SLC45A4: variants seen among roughly 807,000 people sequenced by gnomAD.
SLC45A4 encodes the protein solute carrier family 45 member 4, also known as polyamine-transporter SLC45A4.
SLC45A4 carries 32 observed loss-of-function variants against 63.7 expected under a neutral mutation model. The observed-to-expected ratio is 0.50, with a 90% CI of 0.38 to 0.67. The LOEUF (loss-of-function observed/expected upper bound fraction) is 0.67. Among genes scored for constraint, SLC45A4 ranks in the 30% least tolerant of loss-of-function variants. The pLI is 0.00. For synonymous variants in SLC45A4, 535 were observed against 510.0 expected (o/e 1.05, Z -0.66); for missense variants, 1,027 against 1,157.7 (o/e 0.89, Z 1.64).
chr8:141,234,341 G>A (rs1827512062), intron 2 of SLC45A4, among the ~76,000 whole-genome samples: 1 of 152,214 alleles, frequency 6.6e-6, no homozygotes, highest in Admixed American at 6.5e-5. Context: ...CCACCTCCTC[G>A]TGGGCCTAGC....
At chr8:141,262,451 T>A (rs1333071240) in intron 1 of SLC45A4, among the ~76,000 whole-genome samples, 1 of 149,246 alleles carries the variant, frequency 6.7e-6, no homozygotes, top group African/African-American at 2.5e-5. Flanking sequence ...TGGGAGAAAA[T>A]TTTCACAACC....
chr8:141,215,216 C>CTGTGA lies in SLC45A4; in HGVS notation c.1941+538_1941+542dup, dbSNP rs1461589444. On this transcript the variant is annotated intron_variant, in intron 7 of 8. Transcript: ENST00000517878. This position sits in a 1 kb window ranked among gnomAD's most constrained non-coding sequence, Gnocchi z 4.3. The stretch of plus-strand genomic sequence containing the variant: ...TAAAGCTCGTCTCATGTGTGATGTG[C>CTGTGA]TGTGATGTAACATACACACAATTTC... Among the ~76,000 whole-genome samples the CTGTGA allele has an allele frequency of 9.2e-5, 14 of 152,230 alleles. No homozygotes were observed. Among genetic ancestry groups the CTGTGA allele is most frequent in the Admixed American group, 9.2e-4 (14 of 15,274 alleles).
At chr8:141,280,663 G>A (rs1288363685) in intron 1 of SLC45A4, among the ~76,000 whole-genome samples, 1 of 152,176 alleles carries the variant, frequency 6.6e-6, no homozygotes, top group Non-Finnish European at 1.5e-5. Context: ...CCTCTGCAGG[G>A]TGTGTTTTTG....
chr8:141,221,875 G>A (rs768526030), intron 2 of SLC45A4, 110 bp from the exon 3 acceptor site: 105 of 1,125,986 alleles, frequency 9.3e-5, no homozygotes, highest in Non-Finnish European at 1.1e-4. Context: ...GCACGCATGC[G>A]CACATCCCCT....
At position 141,207,739 on chromosome 8, in the gene SLC45A4, A is replaced by C. The variant is rs564463636; in HGVS notation, c.*3833T>G. ...AGGGATGCCGCTAGGAGGGGTGCTCAGTCCTCCTGGAGGACCCAAGGAGGG... is the reference window on the plus strand; with the variant it reads ...AGGGATGCCGCTAGGAGGGGTGCTCCGTCCTCCTGGAGGACCCAAGGAGGG... On this transcript the variant is annotated 3_prime_UTR_variant, in exon 9 of 9. Coordinates refer to ENST00000517878, the MANE Select transcript of SLC45A4 (RefSeq NM_001286646.2). 16 of 152,398 alleles carry C rather than the reference A, an allele frequency of 1.0e-4. 1 individual carries two copies. The East Asian group carries it at 3.1e-3, about 29-fold the overall frequency. 9.4% of individuals were successfully genotyped at this position (152,398 alleles called of 1,614,324 possible). A position where few individuals can be genotyped will look rare whatever the true frequency, so the allele number is the denominator to read the frequency against.
intron 5 of SLC45A4, 146 bp downstream of exon 5, chr8:141,217,865 G>T: frequency 9.8e-7 from 1 of 1,020,950 alleles, no homozygotes; most frequent in Non-Finnish European, 1.4e-6. Context: ...GCCTGCCGCG[G>T]GTCCCTCACC....
At chr8:141,275,885 G>A (rs2154614994) in intron 1 of SLC45A4, among the ~76,000 whole-genome samples, 1 of 151,694 alleles carries the variant, frequency 6.6e-6, no homozygotes, top group Non-Finnish European at 1.5e-5. Context: ...GTTTCATAGA[G>A]TCTTTCTGCT....
In SLC45A4 at chr8:141,216,836, C is replaced by T. The variant is rs1305166821; in HGVS notation, c.1729+254G>A. Among the ~76,000 whole-genome samples, 11 of 152,324 alleles carry T rather than the reference C, an allele frequency of 7.2e-5. No individual in the cohort carries two copies. In the East Asian group the frequency reaches 7.7e-4, roughly 11 times the overall value. ...TTGACGTGGGACAGCATCATGGGACCGCACAGGCAGGACAGGCCCCAAAAG... is the reference window on the plus strand; with the variant it reads ...TTGACGTGGGACAGCATCATGGGACTGCACAGGCAGGACAGGCCCCAAAAG... On this transcript the variant is annotated intron_variant, in intron 6 of 8. Coordinates refer to ENST00000517878, the MANE Select transcript of SLC45A4 (RefSeq NM_001286646.2).
intron 1 of SLC45A4, among the ~76,000 whole-genome samples, chr8:141,259,634 C>T (rs181154668): frequency 7.8e-4 from 118 of 152,246 alleles, no homozygotes; most frequent in South Asian, 2.1e-3. Flanking sequence ...CCCTTTAGAA[C>T]GGGTGATCCC....
intron 2 of SLC45A4, among the ~76,000 whole-genome samples, chr8:141,235,240 C>A (rs1009053998): frequency 2.0e-5 from 3 of 152,218 alleles, no homozygotes; most frequent in African/African-American, 7.2e-5. Context: ...TCAAATGCCA[C>A]CCCCCTTCTT....
chr8:141,247,353 G>C (rs1828264153), intron 2 of SLC45A4, among the ~76,000 whole-genome samples: 1 of 125,754 alleles, frequency 8.0e-6, no homozygotes. Flanking sequence ...TTAAGTATGT[G>C]ACGGACCTAC....
rs1589819065 is a variant in SLC45A4 at position 141,254,692 on chromosome 8, A to G, written c.-400-63T>C. Reference sequence around the variant, plus strand: ...GGACGGCCACCAGATGGCCCTGTGGACCGCCGCCCGACCCCCGAGCAAGCC... The same window carrying G: ...GGACGGCCACCAGATGGCCCTGTGGGCCGCCGCCCGACCCCCGAGCAAGCC... On this transcript the variant is annotated intron_variant, in intron 1 of 8. Transcript: ENST00000517878. The surrounding 1 kb of genome is among the most constrained non-coding windows in gnomAD (Gnocchi z 4.5). 1.4e-6 allele frequency: 1 copy of G among 694,198 alleles called. No individual in the cohort carries two copies. The highest frequency in any genetic ancestry group is 2.6e-6 in the Non-Finnish European group (1 of 380,140). 43.0% of individuals were successfully genotyped at this position (694,198 alleles called of 1,614,324 possible).
At chr8:141,291,616 T>A (rs867205655) in intron 1 of SLC45A4, among the ~76,000 whole-genome samples, 1 of 152,296 alleles carries the variant, frequency 6.6e-6, no homozygotes, top group South Asian at 2.1e-4. Flanking sequence ...TCAAACCACA[T>A]TTTCTAGAAC....
In SLC45A4 at chr8:141,289,101, T is replaced by C. The variant is rs558890567; in HGVS notation, c.-401+18995A>G. Among the ~76,000 whole-genome samples the C allele has an allele frequency of 2.1e-4, 32 of 152,190 alleles. No individual in the cohort carries two copies. The South Asian group carries it at 6.6e-3, about 32-fold the overall frequency. ...GCCATGAAACCAGCCAGGTGCGCGA[T>C]GGAGTCAGGGCCTGGGGAAGAGGAT... is the stretch of plus-strand genomic sequence containing the variant. On this transcript the variant is annotated intron_variant, in intron 1 of 8. Transcript: ENST00000517878.
At chr8:141,220,669 T>C (rs1410739047) in intron 3 of SLC45A4, among the ~76,000 whole-genome samples, 2 of 152,200 alleles carry the variant, frequency 1.3e-5, no homozygotes, top group Admixed American at 6.5e-5. Flanking sequence ...GGAGAAGGGC[T>C]TTCTGCCCAG....
At position 141,218,656 on chromosome 8, in the gene SLC45A4, G is replaced by GTGCAGGAACAGCAGCTCGGGC. The variant is rs756538613; in HGVS notation, c.963_983dup (p.Leu327_His328insGlnProGluLeuLeuPheLeu). 1.4e-5 allele frequency: 23 copies of GTGCAGGAACAGCAGCTCGGGC among 1,613,366 alleles called. No individual in the cohort carries two copies. In the South Asian group the frequency reaches 2.2e-4, roughly 15 times the overall value. On this transcript the variant is annotated inframe_insertion, in exon 5 of 9. Transcript: ENST00000517878. ...CGTGGAAGATGGAGGGCTCGATGTC[G>GTGCAGGAACAGCAGCTCGGGC]TGCAGGAACAGCAGCTCGGGCTCCA...
intron 1 of SLC45A4, among the ~76,000 whole-genome samples, chr8:141,276,604 A>G (rs1393810390): frequency 6.6e-6 from 1 of 152,068 alleles, no homozygotes; most frequent in African/African-American, 2.4e-5. Context: ...CGGGGACCTC[A>G]CTCGGACTCT....
At chr8:141,247,164 G>A (rs1213995321) in intron 2 of SLC45A4, among the ~76,000 whole-genome samples, 2 of 152,148 alleles carry the variant, frequency 1.3e-5, no homozygotes, top group Non-Finnish European at 2.9e-5. Context: ...AGGAAAGAAG[G>A]AACATCAATA....
At chr8:141,264,094 G>A (rs765492945) in intron 1 of SLC45A4, among the ~76,000 whole-genome samples, 3 of 152,162 alleles carry the variant, frequency 2.0e-5, no homozygotes, top group South Asian at 2.1e-4. Flanking sequence ...ATTCTGATAC[G>A]TTTAAGAACG....
Sources: gnomAD v4.1 joint callset for allele counts (sites outside exome capture counted in the v4.1 genomes callset) on GRCh38, gnomAD v4.1.1 for gene constraint, Gnocchi (gnomAD v3.1) non-coding constraint, MANE v1.5 for transcripts, NCBI Gene and HGNC (gene_info 2026-07-23, HGNC 2026-07-21) for gene names.